ARHGEF38: variants seen among roughly 807,000 people sequenced by gnomAD.
ARHGEF38 encodes Rho guanine nucleotide exchange factor (GEF) 38.
Under a neutral mutation model 79.9 loss-of-function variants are expected in ARHGEF38, and 79 were observed. That is an observed-to-expected ratio of 0.99 (90% CI 0.82 to 1.19). The LOEUF is 1.19. Ranked by LOEUF, ARHGEF38 falls within the 50% of genes most tolerant of loss-of-function variation. The pLI is 0.00. For synonymous variants in ARHGEF38, 366 were observed against 328.3 expected (o/e 1.11, Z -1.24); for missense variants, 962 against 907.2 (o/e 1.06, Z -0.78).
Position 105,552,692 on chromosome 4 carries a change from C to T in ARHGEF38, c.-74C>T. ...GCAGATAAACTCGTCACTCTAGTAG[C>T]TTTAACCCTCACCCTGAGGCACCTT... On this transcript the variant is annotated 5_prime_UTR_variant, in exon 1 of 14. Coordinates refer to ENST00000420470, the MANE Select transcript of ARHGEF38 (RefSeq NM_001242729.2). The T allele has an allele frequency of 1.5e-6, 2 of 1,290,744 alleles. No homozygotes were observed. The highest frequency in any genetic ancestry group is 2.2e-6 in the Non-Finnish European group (2 of 928,120). The allele number at this position is 1,290,744 out of a possible 1,614,324, so 80.0% of individuals were successfully genotyped here.
intron 7 of ARHGEF38, 124 bp from the exon 8 acceptor site, chr4:105,653,941 C>T (rs920575955): frequency 2.2e-6 from 1 of 450,152 alleles, no homozygotes; most frequent in African/African-American, 1.9e-5. Context: ...GACAGCATGT[C>T]ATCAAATGTT....
At chr4:105,579,712 C>T (rs1382674274) in intron 1 of ARHGEF38, among the ~76,000 whole-genome samples, 24 of 152,066 alleles carry the variant, frequency 1.6e-4, no homozygotes, top group Non-Finnish European at 1.5e-5. Context: ...TGTGTCTCTG[C>T]CAGTCTTTGG....
At chr4:105,588,938 G>A (rs1578283941) in intron 1 of ARHGEF38, among the ~76,000 whole-genome samples, 1 of 151,904 alleles carries the variant, frequency 6.6e-6, no homozygotes, top group Admixed American at 6.6e-5. Flanking sequence ...GTTGTGAACT[G>A]TTTTTTTTAT....
chr4:105,576,132 G>A (rs369073268), intron 1 of ARHGEF38, among the ~76,000 whole-genome samples: 1 of 151,852 alleles, frequency 6.6e-6, no homozygotes, highest in African/African-American at 2.4e-5. Context: ...TTATTTGGGG[G>A]CTTTTTTGGT....
rs558127673 is a variant in ARHGEF38, at chr4:105,611,703, C to T, written c.385-1681C>T. Among the ~76,000 whole-genome samples the T allele has an allele frequency of 4.6e-5, 7 of 152,070 alleles. No homozygotes were observed. In the East Asian group the frequency reaches 1.4e-3, roughly 29 times the overall value. The stretch of plus-strand genomic sequence containing the variant: ...AGCAAAAAACCACATGTGCCATCTC[C>T]TATTAAAGTGAATGATCAGTTAAGG... On this transcript the variant is annotated intron_variant, in intron 2 of 13. Transcript: ENST00000420470.
chr4:105,558,558 T>G (rs1403630611), intron 1 of ARHGEF38, among the ~76,000 whole-genome samples: 1 of 152,186 alleles, frequency 6.6e-6, no homozygotes, highest in Non-Finnish European at 1.5e-5. Flanking sequence ...CTTTAAAAAC[T>G]CAGTAACTTT....
intron 1 of ARHGEF38, among the ~76,000 whole-genome samples, chr4:105,555,517 A>C (rs560631156): frequency 3.4e-4 from 51 of 152,186 alleles, no homozygotes; most frequent in African/African-American, 1.2e-3. Context: ...TTATTATTCA[A>C]ATGCCGAGAG....
intron 7 of ARHGEF38, 79 bp from the exon 8 acceptor site, chr4:105,653,986 C>A: frequency 1.4e-6 from 1 of 727,194 alleles, no homozygotes; most frequent in Non-Finnish European, 2.1e-6. Flanking sequence ...TTGTAATGTG[C>A]TGGACCAATA....
Position 105,677,943 on chromosome 4 carries a change from T to A in ARHGEF38, c.*6T>A. The A allele has an allele frequency of 6.7e-7, 1 of 1,491,540 alleles. No homozygotes were observed. The allele number at this position is 1,491,540 out of a possible 1,614,324, so 92.4% of individuals were successfully genotyped here. A position where few individuals can be genotyped will look rare whatever the true frequency, so the allele number is the denominator to read the frequency against. ...GAAAGATGACTTATGCTTAAGAAAA[T>A]AAGCCTTCAACTTTTATTTTCCAGC... On this transcript the variant is annotated 3_prime_UTR_variant, in exon 14 of 14. Transcript: ENST00000420470.
At chr4:105,643,842 G>A (rs78144246) in intron 5 of ARHGEF38, among the ~76,000 whole-genome samples, 1 of 145,530 alleles carries the variant, frequency 6.9e-6, no homozygotes, top group Non-Finnish European at 1.5e-5. Flanking sequence ...CAAATGAATT[G>A]AATTAGATGG....
chr4:105,647,193 C>T (rs1468093538), intron 6 of ARHGEF38, among the ~76,000 whole-genome samples: 1 of 152,004 alleles, frequency 6.6e-6, no homozygotes, highest in East Asian at 1.9e-4. Flanking sequence ...TCTTCCCTTC[C>T]CACCATGATT....
chr4:105,651,022 C>T (rs1014878071), intron 7 of ARHGEF38, among the ~76,000 whole-genome samples: 4 of 152,130 alleles, frequency 2.6e-5, no homozygotes, highest in Admixed American at 1.3e-4. Context: ...CAATTCCCCC[C>T]CCAAGTCTTT....
chr4:105,564,598 C>T (rs1725798140), intron 1 of ARHGEF38, among the ~76,000 whole-genome samples: 1 of 152,096 alleles, frequency 6.6e-6, no homozygotes, highest in Non-Finnish European at 1.5e-5. Flanking sequence ...TGATACTGAA[C>T]TGTTTACTTA....
chr4:105,624,321 G>A (rs932857994), intron 3 of ARHGEF38, among the ~76,000 whole-genome samples: 4 of 152,180 alleles, frequency 2.6e-5, no homozygotes, highest in Non-Finnish European at 5.9e-5. Flanking sequence ...AGCCACAGGC[G>A]TGAAATAATT....
intron 1 of ARHGEF38, among the ~76,000 whole-genome samples, chr4:105,588,412 C>G (rs1166038775): frequency 6.6e-6 from 1 of 152,244 alleles, no homozygotes; most frequent in African/African-American, 2.4e-5. Context: ...GACTCACACA[C>G]TGCCCTGATG....
In ARHGEF38 at chr4:105,657,734, C is replaced by T. The variant is rs1730397444; in HGVS notation, c.1234-1320C>T. The stretch of plus-strand genomic sequence containing the variant: ...TAAACAGTCTCTAGGTGTATATTGA[C>T]TATCTCATAAGCTAGACATCAAATT... On this transcript the variant is annotated intron_variant, in intron 9 of 13. Coordinates refer to ENST00000420470, the MANE Select transcript of ARHGEF38 (RefSeq NM_001242729.2). Among the ~76,000 whole-genome samples the T allele has an allele frequency of 2.0e-5, 3 of 152,160 alleles. 1 individual carries two copies. The highest frequency in any genetic ancestry group is 2.0e-4 in the Admixed American group (3 of 15,268).
At chr4:105,594,548 C>G (rs1727490949) in intron 2 of ARHGEF38, among the ~76,000 whole-genome samples, 1 of 152,086 alleles carries the variant, frequency 6.6e-6, no homozygotes, top group African/African-American at 2.4e-5. Context: ...CAAACTCAGA[C>G]CACTCCCAGT....
Position 105,564,220 on chromosome 4 carries a change from A to G in ARHGEF38, c.196+11259A>G, listed in dbSNP as rs191592689. On this transcript the variant is annotated intron_variant, in intron 1 of 13. Coordinates refer to ENST00000420470, the MANE Select transcript of ARHGEF38 (RefSeq NM_001242729.2). ...GTTTGTTTTTCAGTATTGCTCTTTG[A>G]AAATATTTATTGTTGTGCATGCTTC... Among the ~76,000 whole-genome samples the G allele has an allele frequency of 2.0e-5, 3 of 152,334 alleles. No homozygotes were observed. The East Asian group carries it at 5.8e-4, about 29-fold the overall frequency.
chr4:105,627,780 T>C (rs915119921), intron 3 of ARHGEF38, among the ~76,000 whole-genome samples: 2 of 152,150 alleles, frequency 1.3e-5, no homozygotes, highest in Non-Finnish European at 2.9e-5. Flanking sequence ...CCTTCACCAC[T>C]AAAGAAATGC....
Sources: allele counts gnomAD v4.1 joint callset (sites outside exome capture counted in the v4.1 genomes callset), GRCh38; gene constraint gnomAD v4.1.1; transcripts MANE v1.5; gene names NCBI Gene and HGNC (gene_info 2026-07-23, HGNC 2026-07-21).